Variants in ADAMTS8 observed in about 807,000 individuals in gnomAD.
ADAMTS8 encodes the protein ADAM metallopeptidase with thrombospondin type 1 motif 8.
A neutral mutation model predicts 64.4 loss-of-function variants in ADAMTS8; 50 were observed. The ratio of observed to expected loss-of-function variants is 0.78; its 90% CI spans 0.62 to 0.98. The LOEUF (loss-of-function observed/expected upper bound fraction) is 0.98, where lower values mean the gene tolerates loss of function less well. Among genes scored for constraint, ADAMTS8 ranks in the 50% least tolerant of loss-of-function variants. ADAMTS8 has a pLI of 0.00. For missense variants in ADAMTS8, 1,192 were observed against 1,208.2 expected (o/e 0.99, Z 0.20); for synonymous variants, 556 against 533.6 (o/e 1.04, Z -0.58).
intron 6 of ADAMTS8, among the ~76,000 whole-genome samples, chr11:130,410,516 G>T (rs952251005): frequency 6.6e-6 from 1 of 152,142 alleles, no homozygotes; most frequent in Admixed American, 6.5e-5. Flanking sequence ...AAAGTTTCTA[G>T]AGCCTCAAAC....
In ADAMTS8 at chr11:130,416,790, G is replaced by C. The variant is rs1417343845; in HGVS notation, c.1096+150C>G. 1 of 1,261,942 alleles carries C rather than the reference G, an allele frequency of 7.9e-7. No individual in the cohort carries two copies. The highest frequency in any genetic ancestry group is 1.1e-6 in the Non-Finnish European group (1 of 897,592). The allele number at this position is 1,261,942 out of a possible 1,614,324, so 78.2% of individuals were successfully genotyped here. On this transcript the variant is annotated intron_variant, in intron 3 of 8. Coordinates refer to ENST00000257359, the MANE Select transcript of ADAMTS8 (RefSeq NM_007037.6). This position sits in a 1 kb window ranked among gnomAD's most constrained non-coding sequence, Gnocchi z 4.8. ...GTTGTGTTCAGCACTGTCAAGCGCG[G>C]TATCTGTTTGTATACAGTCACCCTG...
chr11:130,412,251 T>C (rs370232208), intron 5 of ADAMTS8: 1 of 152,392 alleles, frequency 6.6e-6, no homozygotes, highest in East Asian at 1.9e-4. Flanking sequence ...TTTTGCTCTG[T>C]TGCCAAGGCT....
At position 130,405,647 on chromosome 11, in the gene ADAMTS8, C is replaced by G. The variant is rs1032314257; in HGVS notation, c.2581G>C (p.Asp861His). 6.2e-7 allele frequency: 1 copy of G among 1,613,968 alleles called. No homozygotes were observed. Among genetic ancestry groups the G allele is most frequent in the Non-Finnish European group, 8.5e-7 (1 of 1,180,030 alleles). The change falls in exon 9 of 9, where the codon GAC becomes CAC. Residue 861 changes from aspartate to histidine, a missense_variant. Around this residue, in one of 5 missense-constraint regions of ADAMTS8, gnomAD observed 147 missense variants for 154.1 expected, o/e 0.95. Transcript: ENST00000257359. ...GWQRRTVECRDPSGQASATCN... is the reference protein window; with the variant it reads ...GWQRRTVECRHPSGQASATCN... ...GTGGCAGAGGCCTGGCCGGAGGGGT[C>G]CCTGCACTCTACAGTTCGCCTCTGC...
At position 130,427,595 on chromosome 11, in the gene ADAMTS8, A is replaced by T. The variant is rs61757481; in HGVS notation, c.692T>A (p.Met231Lys). Residue 231 changes from methionine (M) to lysine (K), a missense_variant, in exon 1 of 9, where the codon ATG (methionine) becomes AAG (lysine). Met to Lys is a moderately conservative substitution (Grantham distance 95, BLOSUM62 -1). This residue lies in a region of ADAMTS8 where 741 missense variants were observed against 710.6 expected (regional missense o/e 1.04). Transcript: ENST00000257359. ...CAGGTCGGCCCCGTAGAAGGCAGCC[A>T]TGGACGCATCGGCCACCAGCAGCGT... is the stretch of plus-strand genomic sequence containing the variant. The part of the protein sequence containing the change: ...VETLLVADAS[M>K]AAFYGADLQN... 2.8e-5 allele frequency: 43 copies of T among 1,542,508 alleles called. No homozygotes were observed. Among genetic ancestry groups the T allele is most frequent in the Non-Finnish European group, 3.7e-5 (42 of 1,147,750 alleles).
Position 130,411,584 on chromosome 11 carries a change from C to A in ADAMTS8, c.1583G>T (p.Gly528Val). Residue 528 changes from glycine to valine, a missense_variant, in exon 6 of 9, where the codon GGC (glycine) becomes GTC (valine). Around this residue, in one of 5 missense-constraint regions of ADAMTS8, gnomAD observed 10 missense variants for 27.4 expected, o/e 0.37. Coordinates refer to ENST00000257359, the MANE Select transcript of ADAMTS8 (RefSeq NM_007037.6). This position sits in a 1 kb window ranked among gnomAD's most constrained non-coding sequence, Gnocchi z 4.2. ...TCCCCAGGGTCCCCACGGTGCCCAG[C>A]CTCCATCTGCCACGGGCTGCAACAT... ...VERPKPVADGGWAPWGPWGEC... is the reference protein window; with the variant it reads ...VERPKPVADGVWAPWGPWGEC... 1 of 1,614,012 alleles carries A rather than the reference C, an allele frequency of 6.2e-7. No individual in the cohort carries two copies. The highest frequency in any genetic ancestry group is 8.5e-7 in the Non-Finnish European group (1 of 1,179,972).
Position 130,416,959 on chromosome 11 carries a change from G to A in ADAMTS8, c.1077C>T (p.His359=), listed in dbSNP as rs779331271. 33 of 1,614,036 alleles carry A rather than the reference G, an allele frequency of 2.0e-5. No homozygotes were observed. The highest frequency in any genetic ancestry group is 2.5e-5 in the Non-Finnish European group (30 of 1,180,052). Residue 359 remains histidine, a synonymous_variant, in exon 3 of 9, where the codon CAC becomes CAT. Transcript: ENST00000257359. This position sits in a 1 kb window ranked among gnomAD's most constrained non-coding sequence, Gnocchi z 4.8. ...VIEDEGLQAA[H]TLAHELGHVL... is the part of the protein sequence containing the mutation. ...TCTTACCTAGTTCATGGGCCAGGGTGTGGGCCGCCTGGAGCCCCTCATCCT... is the reference window on the plus strand; with the variant it reads ...TCTTACCTAGTTCATGGGCCAGGGTATGGGCCGCCTGGAGCCCCTCATCCT...
At chr11:130,420,011 C>T (rs1042796126) in intron 1 of ADAMTS8, among the ~76,000 whole-genome samples, 1 of 152,236 alleles carries the variant, frequency 6.6e-6, no homozygotes, top group African/African-American at 2.4e-5. Flanking sequence ...AATTCCATTT[C>T]ACGAATGAGG....
intron 2 of ADAMTS8, among the ~76,000 whole-genome samples, chr11:130,418,638 T>A (rs1180998882): frequency 6.6e-6 from 1 of 152,200 alleles, no homozygotes; most frequent in Non-Finnish European, 1.5e-5. Flanking sequence ...AAGCTGTCTG[T>A]TTAAGTCATG....
At chr11:130,408,207 G>A (rs1177278515) in intron 8 of ADAMTS8, among the ~76,000 whole-genome samples, 2 of 152,064 alleles carry the variant, frequency 1.3e-5, no homozygotes, top group Non-Finnish European at 1.5e-5. Flanking sequence ...TAAAAGTCAC[G>A]GCTGCCCTGT....
At position 130,428,361 on chromosome 11, in the gene ADAMTS8, C is replaced by A; in HGVS notation, c.-75G>T. On this transcript the variant is annotated 5_prime_UTR_variant, in exon 1 of 9. Coordinates refer to ENST00000257359, the MANE Select transcript of ADAMTS8 (RefSeq NM_007037.6). ...CGCGGGCAGGTGCTGGCGGCCCGAG[C>A]GCGGCCCGGCCGCTCTCTCCAGGAA... The A allele has an allele frequency of 8.2e-7, 1 of 1,226,376 alleles. No individual in the cohort carries two copies. The highest frequency in any genetic ancestry group is 1.9e-5 in the South Asian group (1 of 53,910). The allele number at this position is 1,226,376 out of a possible 1,614,324, so 76.0% of individuals were successfully genotyped here.
At position 130,427,570 on chromosome 11, in the gene ADAMTS8, C is replaced by A. The variant is rs1408993615; in HGVS notation, c.717G>T (p.Leu239=). The change falls in exon 1 of 9, where the codon CTG becomes CTT. Residue 239 remains leucine (L), a synonymous_variant. Coordinates refer to ENST00000257359, the MANE Select transcript of ADAMTS8 (RefSeq NM_007037.6). Reference sequence around the variant, plus strand: ...TGGAGGAGGCTCTCAGTCCTACCTGCAGGTCGGCCCCGTAGAAGGCAGCCA... The same window carrying A: ...TGGAGGAGGCTCTCAGTCCTACCTGAAGGTCGGCCCCGTAGAAGGCAGCCA... The part of the protein sequence containing the change: ...ASMAAFYGAD[L]QNHILTLMSV... 6 of 1,537,380 alleles carry A rather than the reference C, an allele frequency of 3.9e-6. No homozygotes were observed. The highest frequency in any genetic ancestry group is 5.2e-6 in the Non-Finnish European group (6 of 1,146,704).
In ADAMTS8 at chr11:130,416,359, C is replaced by T. The variant is rs1862025157; in HGVS notation, c.1097-29G>A. The T allele has an allele frequency of 5.9e-6, 9 of 1,520,528 alleles. No homozygotes were observed. The highest frequency in any genetic ancestry group is 1.2e-5 in the South Asian group (1 of 81,748). 94.2% of individuals were successfully genotyped at this position (1,520,528 alleles called of 1,614,324 possible). A position where few individuals can be genotyped will look rare whatever the true frequency, so the allele number is the denominator to read the frequency against. On this transcript the variant is annotated intron_variant, in intron 3 of 8. Coordinates refer to ENST00000257359, the MANE Select transcript of ADAMTS8 (RefSeq NM_007037.6). The surrounding 1 kb of genome is among the most constrained non-coding windows in gnomAD (Gnocchi z 4.8). The stretch of plus-strand genomic sequence containing the variant: ...GGGAGAGAGGCCTGGTCCACTCCGC[C>T]CTGTCCTGCCTGAGGGCGCCCCACC...
chr11:130,415,545 C>T (rs1647507530), intron 4 of ADAMTS8, among the ~76,000 whole-genome samples: 1 of 151,100 alleles, frequency 6.6e-6, no homozygotes, highest in African/African-American at 2.4e-5. Context: ...CCTTGTGATC[C>T]ACCTGCCTCA....
chr11:130,408,860 C>A lies in ADAMTS8; in HGVS notation c.1831G>T (p.Val611Phe), dbSNP rs973483393. The change falls in exon 7 of 9, where the codon GTC becomes TTC. Residue 611 changes from valine to phenylalanine, a missense_variant. Val to Phe is a conservative substitution (Grantham distance 50). Around this residue, in one of 5 missense-constraint regions of ADAMTS8, gnomAD observed 290 missense variants for 297.8 expected, o/e 0.97. Coordinates refer to ENST00000257359, the MANE Select transcript of ADAMTS8 (RefSeq NM_007037.6). Reference sequence around the variant, plus strand: ...GGGGACACCCCAGCATACTTGGGGACCCACTGCAGGAGATTCCCGTCCATG... The same window carrying A: ...GGGGACACCCCAGCATACTTGGGGAACCACTGCAGGAGATTCCCGTCCATG... ...TDMDGNLLQW[V>F]PKYAGVSPRD... The A allele has an allele frequency of 4.3e-6, 7 of 1,612,484 alleles. No individual in the cohort carries two copies. Among genetic ancestry groups the A allele is most frequent in the Non-Finnish European group, 5.9e-6 (7 of 1,179,378 alleles).
At position 130,428,493 on chromosome 11, in the gene ADAMTS8, C is replaced by T. The variant is rs1862215362; in HGVS notation, c.-207G>A. On this transcript the variant is annotated 5_prime_UTR_variant, in exon 1 of 9. Coordinates refer to ENST00000257359, the MANE Select transcript of ADAMTS8 (RefSeq NM_007037.6). ...GGCGCAGCCCGCTCCTCCCGCGCCG[C>T]CGCCCCCGAGCCGAGCGCGAGCAGC... 4 of 969,532 alleles carry T rather than the reference C, an allele frequency of 4.1e-6. No individual in the cohort carries two copies. Among genetic ancestry groups the T allele is most frequent in the East Asian group, 1.1e-4 (1 of 8,912 alleles). 60.1% of individuals were successfully genotyped at this position (969,532 alleles called of 1,614,324 possible).
At chr11:130,418,930 C>T in intron 2 of ADAMTS8, 123 bp downstream of exon 2, 3 of 1,483,764 alleles carry the variant, frequency 2.0e-6, no homozygotes, top group Middle Eastern at 2.4e-4. Context: ...GCATGAGGCT[C>T]TGGCGTCCAG....
At position 130,408,613 on chromosome 11, in the gene ADAMTS8, T is replaced by G; in HGVS notation, c.1950A>C (p.Pro650=). ...CACGGACACAGATGGCCAGTGTTTCTGGCCCACACAGGGTGCCATCAATCA... is the reference window on the plus strand; with the variant it reads ...CACGGACACAGATGGCCAGTGTTTCGGGCCCACACAGGGTGCCATCAATCA... ...AKVIDGTLCG[P]ETLAICVRGQ... Residue 650 remains proline, a synonymous_variant, in exon 8 of 9, where the codon CCA becomes CCC. Coordinates refer to ENST00000257359, the MANE Select transcript of ADAMTS8 (RefSeq NM_007037.6). 1 of 1,614,116 alleles carries G rather than the reference T, an allele frequency of 6.2e-7. No homozygotes were observed. Among genetic ancestry groups the G allele is most frequent in the Non-Finnish European group, 8.5e-7 (1 of 1,180,018 alleles).
In ADAMTS8 at chr11:130,411,594, C is replaced by T. The variant is rs1861954017; in HGVS notation, c.1573G>A (p.Ala525Thr). ...EEEVERPKPV[A>T]DGGWAPWGPW... is the part of the protein sequence containing the mutation. ...CCCCACGGTGCCCAGCCTCCATCTG[C>T]CACGGGCTGCAACATACAATGGCAC... The change falls in exon 6 of 9, where the codon GCA (alanine) becomes ACA (threonine). Residue 525 changes from alanine (A) to threonine (T), a missense_variant. Transcript: ENST00000257359. This position sits in a 1 kb window ranked among gnomAD's most constrained non-coding sequence, Gnocchi z 4.2. 1.9e-6 allele frequency: 3 copies of T among 1,613,814 alleles called. No homozygotes were observed. Among genetic ancestry groups the T allele is most frequent in the Admixed American group, 1.7e-5 (1 of 60,006 alleles).
At chr11:130,414,124 T>A (rs1329537469) in intron 5 of ADAMTS8, among the ~76,000 whole-genome samples, 1 of 101,796 alleles carries the variant, frequency 9.8e-6, no homozygotes, top group African/African-American at 8.4e-5. Context: ...TTTCTTTTCT[T>A]TTTTTTTTTT....
Sources: gnomAD v4.1 joint callset for allele counts (sites outside exome capture counted in the v4.1 genomes callset) on GRCh38, gnomAD v4.1.1 for gene constraint, gnomAD v4.1.1 regional missense constraint, Gnocchi (gnomAD v3.1) non-coding constraint, MANE v1.5 for transcripts, NCBI Gene and HGNC (gene_info 2026-07-23, HGNC 2026-07-21) for gene names.